Variants in CACNA2D3 observed in about 807,000 individuals in gnomAD.
CACNA2D3 encodes the protein voltage-dependent calcium channel subunit alpha-2/delta-3.
Under a neutral mutation model 160.6 loss-of-function variants are expected in CACNA2D3, and 60 were observed. That is an observed-to-expected ratio of 0.37 (90% CI 0.30 to 0.46). The LOEUF (loss-of-function observed/expected upper bound fraction) is 0.46, where lower values mean the gene tolerates loss of function less well. CACNA2D3 is among the 20% of genes least tolerant of loss of function. CACNA2D3 has a pLI of 1.00. For missense variants in CACNA2D3, 1,205 were observed against 1,365.0 expected, an observed-to-expected ratio of 0.88 and a Z score of 1.85; for synonymous variants, 558 against 492.9, an observed-to-expected ratio of 1.13 and a Z score of -1.75.
At chr3:54,576,953 C>A (rs1251983912) in intron 8 of CACNA2D3, among the ~76,000 whole-genome samples, 1 of 152,088 alleles carries the variant, frequency 6.6e-6, no homozygotes, top group Non-Finnish European at 1.5e-5. Flanking sequence ...AGAAGGACTG[C>A]TTGACCCTGG....
At chr3:54,480,979 A>G (rs931561193) in intron 4 of CACNA2D3, among the ~76,000 whole-genome samples, 1 of 152,156 alleles carries the variant, frequency 6.6e-6, no homozygotes, top group Non-Finnish European at 1.5e-5. Context: ...TATAATGACC[A>G]CAGGAGTCCC....
chr3:54,660,160 T>C (rs1699942558), intron 11 of CACNA2D3, among the ~76,000 whole-genome samples: 1 of 150,894 alleles, frequency 6.6e-6, no homozygotes, highest in Admixed American at 6.6e-5. Context: ...TTTTTTTCTT[T>C]TTATTTTTTT....
chr3:55,022,334 T>G (rs1399566229), intron 35 of CACNA2D3, among the ~76,000 whole-genome samples: 1 of 152,142 alleles, frequency 6.6e-6, no homozygotes, highest in African/African-American at 2.4e-5. Flanking sequence ...TTCCCTCCAT[T>G]TTCAACCCTT....
chr3:54,374,342 CTTCTCT>C (rs1698972864), intron 3 of CACNA2D3, among the ~76,000 whole-genome samples: 1 of 152,228 alleles, frequency 6.6e-6, no homozygotes, highest in African/African-American at 2.4e-5. Flanking sequence ...ATATTGGTTT[CTTCTCT>C]TTCAGTTTGC....
intron 35 of CACNA2D3, among the ~76,000 whole-genome samples, chr3:55,021,793 G>C (rs1298401246): frequency 6.6e-6 from 1 of 150,718 alleles, no homozygotes; most frequent in Non-Finnish European, 1.5e-5. Context: ...ATCTGTAAAT[G>C]CTTAAATCGT....
chr3:54,482,426 T>G (rs1700948560), intron 4 of CACNA2D3, among the ~76,000 whole-genome samples: 1 of 152,220 alleles, frequency 6.6e-6, no homozygotes, highest in South Asian at 2.1e-4. Flanking sequence ...TTCAACCAAG[T>G]AGAATGCCTT....
chr3:54,236,870 A>G (rs79393706), intron 2 of CACNA2D3, among the ~76,000 whole-genome samples: 2 of 152,130 alleles, frequency 1.3e-5, no homozygotes, highest in African/African-American at 4.8e-5. Flanking sequence ...CATTGATAAC[A>G]TGAATATCGT....
At chr3:54,920,506 C>T (rs1700812581) in intron 27 of CACNA2D3, among the ~76,000 whole-genome samples, 2 of 152,294 alleles carry the variant, frequency 1.3e-5, no homozygotes, top group Non-Finnish European at 2.9e-5. Context: ...GGAATTTCTT[C>T]CTTTTTTGAG....
intron 5 of CACNA2D3, among the ~76,000 whole-genome samples, chr3:54,534,847 A>G (rs1701862692): frequency 6.6e-6 from 1 of 152,076 alleles, no homozygotes; most frequent in Admixed American, 6.5e-5. Context: ...GAATTGCTTG[A>G]GCTAGGGAGG....
At chr3:54,215,388 A>C (rs900307259) in intron 2 of CACNA2D3, among the ~76,000 whole-genome samples, 3 of 152,220 alleles carry the variant, frequency 2.0e-5, no homozygotes, top group Admixed American at 1.3e-4. Flanking sequence ...CATACAATAC[A>C]GTATTATTAA....
intron 13 of CACNA2D3, among the ~76,000 whole-genome samples, chr3:54,771,170 A>G (rs1702314659): frequency 6.6e-6 from 1 of 152,168 alleles, no homozygotes; most frequent in African/African-American, 2.4e-5. Flanking sequence ...TTCCAGACAC[A>G]GAGAGAGGGG....
chr3:54,410,371 AAG>A (rs1015707616), intron 4 of CACNA2D3, among the ~76,000 whole-genome samples: 1 of 152,016 alleles, frequency 6.6e-6, no homozygotes, highest in African/African-American at 2.4e-5. Context: ...AGAAAAAAAA[AAG>A]AGAGAGGAGA....
chr3:54,297,951 C>G (rs1334124259), intron 2 of CACNA2D3, among the ~76,000 whole-genome samples: 1 of 152,210 alleles, frequency 6.6e-6, no homozygotes, highest in Non-Finnish European at 1.5e-5. Context: ...GCCAAATCCC[C>G]AACACCACCC....
At chr3:54,389,244 G>A (rs1475807974) in intron 4 of CACNA2D3, among the ~76,000 whole-genome samples, 1 of 151,528 alleles carries the variant, frequency 6.6e-6, no homozygotes, top group Non-Finnish European at 1.5e-5. Flanking sequence ...GGAGTCAGCC[G>A]AGATCACGCC....
intron 14 of CACNA2D3, among the ~76,000 whole-genome samples, chr3:54,822,841 T>C (rs1703668012): frequency 3.6e-5 from 5 of 138,712 alleles, no homozygotes; most frequent in Admixed American, 2.9e-4. Context: ...CTTTTCTTTC[T>C]TTCTTTCTTT....
At chr3:54,457,359 G>T (rs945900899) in intron 4 of CACNA2D3, among the ~76,000 whole-genome samples, 1 of 151,938 alleles carries the variant, frequency 6.6e-6, no homozygotes, top group African/African-American at 2.4e-5. Context: ...ACATGCATTT[G>T]TATAGTTCTG....
intron 11 of CACNA2D3, among the ~76,000 whole-genome samples, chr3:54,672,485 C>T (rs767078101): frequency 6.6e-6 from 1 of 152,194 alleles, no homozygotes; most frequent in Non-Finnish European, 1.5e-5. Context: ...ATCCACACTT[C>T]TCTGAAGTGT....
At chr3:54,927,524 G>A (rs1344542777) in intron 27 of CACNA2D3, among the ~76,000 whole-genome samples, 1 of 152,164 alleles carries the variant, frequency 6.6e-6, no homozygotes, top group Non-Finnish European at 1.5e-5. Flanking sequence ...GAACATGTTT[G>A]CCGCAGAATC....
intron 11 of CACNA2D3, among the ~76,000 whole-genome samples, chr3:54,743,206 T>A (rs566776494): frequency 7.2e-4 from 109 of 152,304 alleles, no homozygotes; most frequent in Non-Finnish European, 1.4e-3. Context: ...CTCCTTCTGC[T>A]CTCACATCTG....
Sources: gnomAD v4.1 joint callset for allele counts (sites outside exome capture counted in the v4.1 genomes callset) on GRCh38, gnomAD v4.1.1 for gene constraint, MANE v1.5 for transcripts, NCBI Gene and HGNC (gene_info 2026-07-23, HGNC 2026-07-21) for gene names.